The following ADAM12 variants were observed in gnomAD, a reference collection of about 807,000 sequenced individuals.
ADAM12 encodes ADAM metallopeptidase domain 12, also known as disintegrin and metalloproteinase domain-containing protein 12.
ADAM12 carries 70 observed loss-of-function variants against 106.4 expected under a neutral mutation model. The ratio of observed to expected loss-of-function variants is 0.66; its 90% CI spans 0.54 to 0.80. The LOEUF (loss-of-function observed/expected upper bound fraction) is 0.80, where lower values mean the gene tolerates loss of function less well. Ranked by LOEUF, ADAM12 falls within the 30% of genes least tolerant of loss-of-function variation. ADAM12 has a pLI of 0.00. For synonymous variants in ADAM12, 420 were observed against 433.5 expected, an observed-to-expected ratio of 0.97 and a Z score of 0.39; for missense variants, 1,010 against 1,171.9, an observed-to-expected ratio of 0.86 and a Z score of 2.02.
intron 12 of ADAM12, chr10:126,070,517 A>G (rs1590367706): frequency 6.6e-6 from 1 of 152,238 alleles, no homozygotes; most frequent in East Asian, 1.9e-4. Context: ...GAACACAGGA[A>G]TATACCGGAT....
chr10:126,336,800 T>G (rs922105976), intron 1 of ADAM12, among the ~76,000 whole-genome samples: 2 of 152,174 alleles, frequency 1.3e-5, no homozygotes, highest in Non-Finnish European at 2.9e-5. Flanking sequence ...GCTACCACGC[T>G]GGCAGGCTGA....
chr10:126,073,621 C>A (rs1731959298), intron 11 of ADAM12, among the ~76,000 whole-genome samples: 1 of 152,162 alleles, frequency 6.6e-6, no homozygotes, highest in South Asian at 2.1e-4. Flanking sequence ...TGAGAACATG[C>A]AGTATTTGGT....
chr10:126,103,166 G>A (rs1381447113), intron 8 of ADAM12, among the ~76,000 whole-genome samples: 2 of 152,138 alleles, frequency 1.3e-5, no homozygotes, highest in Non-Finnish European at 2.9e-5. Flanking sequence ...GATGGGTTTT[G>A]CATCTCCACC....
intron 2 of ADAM12, among the ~76,000 whole-genome samples, chr10:126,295,035 T>C (rs1960308626): frequency 6.6e-6 from 1 of 152,188 alleles, no homozygotes; most frequent in Non-Finnish European, 1.5e-5. Flanking sequence ...ATGAAAGGTT[T>C]CCTTGCTAAT....
intron 3 of ADAM12, among the ~76,000 whole-genome samples, chr10:126,265,734 C>T (rs1225214721): frequency 6.6e-6 from 1 of 152,138 alleles, no homozygotes; most frequent in East Asian, 1.9e-4. Context: ...GTATAAAAAT[C>T]TGGTTTCATT....
intron 3 of ADAM12, among the ~76,000 whole-genome samples, chr10:126,254,556 A>G (rs2133693992): frequency 6.6e-6 from 1 of 152,276 alleles, no homozygotes; most frequent in South Asian, 2.1e-4. Flanking sequence ...GTCCACCTGC[A>G]CAGGTGTGTT....
At chr10:126,334,464 C>T (rs1044701268) in intron 1 of ADAM12, among the ~76,000 whole-genome samples, 1 of 152,074 alleles carries the variant, frequency 6.6e-6, no homozygotes, top group Non-Finnish European at 1.5e-5. Flanking sequence ...CATATTAGAT[C>T]GTTCATCTCT....
chr10:126,141,149 C>T (rs1053639630), intron 4 of ADAM12, among the ~76,000 whole-genome samples: 3 of 152,228 alleles, frequency 2.0e-5, no homozygotes, highest in African/African-American at 4.8e-5. Context: ...CTAAGAGGGG[C>T]TTGCACCCCA....
intron 2 of ADAM12, among the ~76,000 whole-genome samples, chr10:126,309,010 C>T (rs1185980869): frequency 2.0e-5 from 3 of 152,152 alleles, no homozygotes; most frequent in Admixed American, 1.3e-4. Context: ...TTATATCATC[C>T]CAGAACCCAG....
intron 1 of ADAM12, among the ~76,000 whole-genome samples, chr10:126,375,909 CTT>C (rs111857581): frequency 3.5e-4 from 51 of 145,142 alleles, no homozygotes; most frequent in South Asian, 1.1e-3. Flanking sequence ...ACATATATGA[CTT>C]TTTTTTTTTT....
intron 21 of ADAM12, among the ~76,000 whole-genome samples, chr10:126,035,836 G>T (rs1456097052): frequency 6.6e-6 from 1 of 152,032 alleles, no homozygotes; most frequent in African/African-American, 2.4e-5. Context: ...TTACTGTACA[G>T]GCCTAATTAT....
intron 6 of ADAM12, 47 bp from the exon 7 acceptor site, chr10:126,109,887 C>A (rs759225765): frequency 6.4e-7 from 1 of 1,562,600 alleles, no homozygotes; most frequent in Non-Finnish European, 8.8e-7. Flanking sequence ...GCCTCTCTGG[C>A]ATTAAGACTG....
chr10:126,034,345 C>T (rs1001548565), intron 21 of ADAM12, among the ~76,000 whole-genome samples: 2 of 151,940 alleles, frequency 1.3e-5, no homozygotes, highest in Non-Finnish European at 2.9e-5. Context: ...TAGGAAAACC[C>T]CACATAACAG....
chr10:126,228,171 T>C (rs12217377), intron 3 of ADAM12, among the ~76,000 whole-genome samples: 6,558 of 152,198 alleles, frequency 0.043, 222 homozygotes, highest in African/African-American at 0.079. Flanking sequence ...TCAAGTCCCA[T>C]TGACAAAAGC....
rs933657870 is a variant in ADAM12, at chr10:126,156,512, G to A, written c.261-1207C>T. 4.6e-5 allele frequency among the ~76,000 whole-genome samples: 7 copies of A among 152,224 alleles called. No individual in the cohort carries two copies. The East Asian group carries it at 1.4e-3, about 29-fold the overall frequency. ...CGGGGATCTTGAGCACCTATGCTTG[G>A]GCCCCCTCACACCCTGAGGAGCGTA... On this transcript the variant is annotated intron_variant, in intron 3 of 22. Coordinates refer to ENST00000448723, the MANE Select transcript of ADAM12 (RefSeq NM_001288973.2).
chr10:126,157,393 G>A (rs944219208), intron 3 of ADAM12, among the ~76,000 whole-genome samples: 1 of 152,212 alleles, frequency 6.6e-6, no homozygotes, highest in African/African-American at 2.4e-5. Context: ...TGGCAGGGAA[G>A]GAAAAGCAGC....
intron 3 of ADAM12, among the ~76,000 whole-genome samples, chr10:126,191,197 T>G (rs2133803134): frequency 6.6e-6 from 1 of 152,038 alleles, no homozygotes; most frequent in Admixed American, 6.6e-5. Flanking sequence ...AGATGGAGTT[T>G]TGCCATGTTA....
intron 6 of ADAM12, among the ~76,000 whole-genome samples, chr10:126,115,147 A>T (rs1955956666): frequency 6.6e-6 from 1 of 152,204 alleles, no homozygotes; most frequent in Non-Finnish European, 1.5e-5. Flanking sequence ...TTTTCAGAGA[A>T]GGCAGCAACT....
chr10:126,106,054 T>C (rs1341010727), intron 8 of ADAM12, among the ~76,000 whole-genome samples: 1 of 152,180 alleles, frequency 6.6e-6, no homozygotes, highest in Admixed American at 6.5e-5. Flanking sequence ...CTCCTCTTCC[T>C]GCTCCCCCTT....
Sources: allele counts gnomAD v4.1 joint callset (sites outside exome capture counted in the v4.1 genomes callset), GRCh38; gene constraint gnomAD v4.1.1; transcripts MANE v1.5; gene names NCBI Gene and HGNC (gene_info 2026-07-23, HGNC 2026-07-21).